Variants in RNLS observed in about 807,000 individuals in gnomAD.
The protein encoded by RNLS is renalase, FAD dependent amine oxidase, also known as renalase.
Under a neutral mutation model 39.8 loss-of-function variants are expected in RNLS, and 39 were observed. The observed-to-expected ratio is 0.98, with a 90% confidence interval of 0.76 to 1.28. RNLS has a LOEUF of 1.28. RNLS is among the 50% of genes most tolerant of loss of function. The pLI, the probability that RNLS is intolerant of heterozygous loss-of-function variation, is 0.00. For synonymous variants in RNLS, 147 were observed against 150.7 expected (o/e 0.98, Z 0.18); for missense variants, 410 against 413.3 (o/e 0.99, Z 0.07).
chr10:88,548,621 G>A (rs913327020), intron 4 of RNLS, among the ~76,000 whole-genome samples: 3 of 145,514 alleles, frequency 2.1e-5, no homozygotes, highest in East Asian at 2.0e-4. Context: ...CCTGGGTGAC[G>A]AAGCGAGACT....
chr10:88,459,774 A>T (rs1052936048), intron 4 of RNLS, among the ~76,000 whole-genome samples: 2 of 152,148 alleles, frequency 1.3e-5, no homozygotes, highest in Non-Finnish European at 2.9e-5. Context: ...CCTTCTGTTC[A>T]CTGAAAGACA....
At chr10:88,449,088 T>C (rs1264061152) in intron 4 of RNLS, among the ~76,000 whole-genome samples, 5 of 152,200 alleles carry the variant, frequency 3.3e-5, no homozygotes, top group African/African-American at 1.2e-4. Context: ...ACGTGGCACA[T>C]GTATACATAT....
At chr10:88,172,842 G>GTTTTTTTGTTTTT in the RNLS span, among the ~76,000 whole-genome samples, 2 of 43,776 alleles carry the variant, frequency 4.6e-5, no homozygotes, top group Non-Finnish European at 7.3e-5. Context: ...ATTTTGAGTT[G>GTTTTTTTGTTTTT]TTTTTTTTTT....
intron 5 of RNLS, among the ~76,000 whole-genome samples, chr10:88,361,015 G>A (rs1849604388): frequency 6.6e-6 from 1 of 152,180 alleles, no homozygotes; most frequent in African/African-American, 2.4e-5. Flanking sequence ...AGTTCTGGAG[G>A]CTGAGAAGTC....
intron 6 of RNLS, among the ~76,000 whole-genome samples, chr10:88,305,375 A>G (rs1165083243): frequency 6.6e-6 from 1 of 152,240 alleles, no homozygotes; most frequent in African/African-American, 2.4e-5. Flanking sequence ...AATGGGCTAA[A>G]TATCCCAACT....
chr10:88,332,612 T>C (rs1005685210), intron 5 of RNLS, among the ~76,000 whole-genome samples: 4 of 152,218 alleles, frequency 2.6e-5, no homozygotes, highest in African/African-American at 9.6e-5. Flanking sequence ...GAGAAGGTAA[T>C]TGGCCTGGAA....
chr10:88,273,245 G>A (rs1347562205), downstream of RNLS, among the ~76,000 whole-genome samples: 2 of 152,114 alleles, frequency 1.3e-5, no homozygotes, highest in African/African-American at 4.8e-5. Context: ...TCAACACAAG[G>A]CCAATTGGCT....
At chr10:88,374,798 G>A (rs1332170102) in intron 4 of RNLS, among the ~76,000 whole-genome samples, 2 of 152,040 alleles carry the variant, frequency 1.3e-5, no homozygotes, top group Admixed American at 6.6e-5. Context: ...TTCACCCTAG[G>A]TTATGAATAT....
the RNLS span, among the ~76,000 whole-genome samples, chr10:88,249,254 A>T: frequency 1.3e-5 from 2 of 152,022 alleles, no homozygotes; most frequent in Non-Finnish European, 2.9e-5. Flanking sequence ...CTGCCAGGTA[A>T]CCCTAAACCC....
intron 4 of RNLS, among the ~76,000 whole-genome samples, chr10:88,384,133 GTCTAACATATTT>G (rs1206586486): frequency 6.6e-6 from 1 of 152,104 alleles, no homozygotes; most frequent in African/African-American, 2.4e-5. Flanking sequence ...GGCCTAAAAA[GTCTAACATATTT>G]ACTTTTTGGG....
At chr10:88,371,325 T>G (rs911409530) in intron 4 of RNLS, among the ~76,000 whole-genome samples, 1 of 152,084 alleles carries the variant, frequency 6.6e-6, no homozygotes, top group East Asian at 1.9e-4. Flanking sequence ...AGAAACGTTT[T>G]AAAAAAGCCT....
intron 4 of RNLS, among the ~76,000 whole-genome samples, chr10:88,375,569 T>C (rs1270511899): frequency 6.6e-6 from 1 of 152,204 alleles, no homozygotes; most frequent in Non-Finnish European, 1.5e-5. Context: ...CACCCATTCC[T>C]AATTGGAAAC....
At chr10:88,382,000 A>G (rs1003288185) in intron 4 of RNLS, among the ~76,000 whole-genome samples, 2 of 152,146 alleles carry the variant, frequency 1.3e-5, no homozygotes, top group African/African-American at 4.8e-5. Context: ...TCATATATAT[A>G]TCTATTATCT....
rs191790359 is a variant in RNLS, at chr10:88,317,213, C to G, written c.701-2572G>C. ...TAGAGTCAGAAGATAAGTATTTGAA[C>G]CTCTGCATCCTTTAATAGCCCTGTA... On this transcript the variant is annotated intron_variant, in intron 5 of 6. Coordinates refer to ENST00000331772, the MANE Select transcript of RNLS (RefSeq NM_001031709.3). Among the ~76,000 whole-genome samples, 4 of 152,278 alleles carry G rather than the reference C, an allele frequency of 2.6e-5. No homozygotes were observed. The East Asian group carries it at 5.8e-4, about 22-fold the overall frequency.
At chr10:88,555,339 G>A (rs1422686544) in intron 4 of RNLS, among the ~76,000 whole-genome samples, 2 of 151,996 alleles carry the variant, frequency 1.3e-5, no homozygotes, top group Admixed American at 6.6e-5. Context: ...TCCTCCAAAT[G>A]TCATGTTGAA....
the RNLS span, among the ~76,000 whole-genome samples, chr10:88,252,776 C>A: frequency 6.6e-6 from 1 of 152,170 alleles, no homozygotes; most frequent in Non-Finnish European, 1.5e-5. Flanking sequence ...ATCACACTAC[C>A]GGGCACATAG....
chr10:88,338,659 G>A (rs771463835), intron 5 of RNLS, among the ~76,000 whole-genome samples: 1 of 152,066 alleles, frequency 6.6e-6, no homozygotes, highest in African/African-American at 2.4e-5. Flanking sequence ...AGAACACTGA[G>A]CTTCTTGGGA....
intron 5 of RNLS, among the ~76,000 whole-genome samples, chr10:88,352,015 T>C (rs1419368954): frequency 6.6e-6 from 1 of 152,190 alleles, no homozygotes; most frequent in Non-Finnish European, 1.5e-5. Context: ...GTTATTGGTG[T>C]ATAAGAATGC....
At chr10:88,510,930 C>T (rs927111160) in intron 4 of RNLS, among the ~76,000 whole-genome samples, 1 of 148,970 alleles carries the variant, frequency 6.7e-6, no homozygotes, top group Non-Finnish European at 1.5e-5. Context: ...TTAGTATTAC[C>T]TTTTTTTAAA....
Sources: allele counts gnomAD v4.1 joint callset (sites outside exome capture counted in the v4.1 genomes callset), GRCh38; gene constraint gnomAD v4.1.1; transcripts MANE v1.5; gene names NCBI Gene and HGNC (gene_info 2026-07-23, HGNC 2026-07-21).